The following P2RX5 variants were observed in gnomAD, a reference collection of about 807,000 sequenced individuals.
P2RX5 encodes P2X purinoceptor 5.
P2RX5 carries 46 observed loss-of-function variants against 54.1 expected under a neutral mutation model. That is an observed-to-expected ratio of 0.85 (90% confidence interval 0.67 to 1.09). The LOEUF is 1.09. P2RX5 is among the 50% of genes least tolerant of loss of function. P2RX5 has a pLI of 0.00. For synonymous variants in P2RX5, 226 were observed against 226.4 expected (o/e 1.00, Z 0.02); for missense variants, 566 against 549.8 (o/e 1.03, Z -0.29).
In P2RX5 at chr17:3,691,722, G is replaced by C. The variant is rs771198214; in HGVS notation, c.210C>G (p.Val70=). The part of the protein sequence containing the change: ...TSLQSAVITK[V]KGVAFTNTSD... ...AGGTGTTGGTGAAGGCCACGCCCTT[G>C]ACTTTGGTGATGACAGCACTCTGCA... The change falls in exon 2 of 12, where the codon GTC becomes GTG. Residue 70 remains valine, a synonymous_variant. Coordinates refer to ENST00000225328, the MANE Select transcript of P2RX5 (RefSeq NM_002561.4). The C allele has an allele frequency of 1.2e-6, 2 of 1,614,102 alleles. No homozygotes were observed. The highest frequency in any genetic ancestry group is 2.7e-5 in the African/African-American group (2 of 74,944).
the P2RX5 span, among the ~76,000 whole-genome samples, chr17:3,723,006 A>C: frequency 1.3e-5 from 2 of 152,120 alleles, no homozygotes; most frequent in African/African-American, 4.8e-5. Flanking sequence ...TGGGTTTAGG[A>C]TATATTTTGG....
the P2RX5 span, chr17:3,723,330 A>G: frequency 2.5e-6 from 4 of 1,613,974 alleles, no homozygotes; most frequent in Admixed American, 1.7e-5. Context: ...CCACGGTGAC[A>G]TTTTCTTTAT....
chr17:3,695,262 G>A, intron 1 of P2RX5, among the ~76,000 whole-genome samples: 1 of 152,218 alleles, frequency 6.6e-6, no homozygotes, highest in East Asian at 1.9e-4. Flanking sequence ...CTCCTGCCAG[G>A]TGGCATGAGG....
chr17:3,679,986 A>C (rs2050198223), intron 10 of P2RX5, among the ~76,000 whole-genome samples: 1 of 149,734 alleles, frequency 6.7e-6, no homozygotes, highest in South Asian at 2.1e-4. Flanking sequence ...TGAGTCCTCC[A>C]CCCTGCTTCC....
chr17:3,711,207 G>C, the P2RX5 span, among the ~76,000 whole-genome samples: 1 of 152,080 alleles, frequency 6.6e-6, no homozygotes, highest in South Asian at 2.1e-4. Context: ...AGGATAGTGA[G>C]TGCAGATTCG....
In P2RX5 at chr17:3,691,000, T is replaced by TG; in HGVS notation, c.315dup (p.Asn106GlnfsTer15). 1 of 1,613,108 alleles carries TG rather than the reference T, an allele frequency of 6.2e-7. No individual in the cohort carries two copies. Among genetic ancestry groups the TG allele is most frequent in the East Asian group, 2.2e-5 (1 of 44,868 alleles). On this transcript the variant is annotated frameshift_variant, in exon 3 of 12. Transcript: ENST00000225328. LOFTEE classifies it high-confidence loss of function. ...CGCTGGTTGGGGGTCACAATCAGGT[T>TG]GGTGACCACAAAAAAGACGTTCTCT...
At chr17:3,723,815 C>T in the P2RX5 span, 9 of 1,570,446 alleles carry the variant, frequency 5.7e-6, no homozygotes, top group Middle Eastern at 5.2e-4. Context: ...GTCCCGGCCC[C>T]GGCCCTGGCG....
At chr17:3,693,957 G>A (rs1204806025) in intron 1 of P2RX5, among the ~76,000 whole-genome samples, 1 of 151,950 alleles carries the variant, frequency 6.6e-6, no homozygotes, top group Non-Finnish European at 1.5e-5. Context: ...TAGAGACGGG[G>A]TTTTACCACG....
intron 11 of P2RX5, chr17:3,677,273 G>T: frequency 1.0e-6 from 1 of 985,336 alleles, no homozygotes; most frequent in Non-Finnish European, 1.2e-6. Context: ...GAGGGGTGGG[G>T]AGGGCAGGAG....
At position 3,690,129 on chromosome 17, in the gene P2RX5, G is replaced by C; in HGVS notation, c.555C>G (p.Ala185=). 4 of 1,614,148 alleles carry C rather than the reference G, an allele frequency of 2.5e-6. No individual in the cohort carries two copies. Among genetic ancestry groups the C allele is most frequent in the Non-Finnish European group, 2.5e-6 (3 of 1,179,986 alleles). The change falls in exon 6 of 12, where the codon GCC becomes GCG. Residue 185 remains alanine, a synonymous_variant. Transcript: ENST00000225328. ...SRPEEPFLKE[A]EDFTIFIKNH... Reference sequence around the variant, plus strand: ...TCTTTATGAAAATGGTGAAGTCTTCGGCCTCCTTCAGGAATGGCTCCCTGA... The same window carrying C: ...TCTTTATGAAAATGGTGAAGTCTTCCGCCTCCTTCAGGAATGGCTCCCTGA...
Position 3,689,576 on chromosome 17 carries a change from G to A in P2RX5, c.669C>T (p.Gly223=), listed in dbSNP as rs774077657. 8 of 1,614,168 alleles carry A rather than the reference G, an allele frequency of 5.0e-6. No individual in the cohort carries two copies. Among genetic ancestry groups the A allele is most frequent in the South Asian group, 4.4e-5 (4 of 91,084 alleles). Residue 223 remains glycine, a synonymous_variant, in exon 7 of 12, where the codon GGC becomes GGT. Coordinates refer to ENST00000225328, the MANE Select transcript of P2RX5 (RefSeq NM_002561.4). ...AGATGGGGCAGTAGTGGTTCTTGGG[G>A]CCAAAGTGGCATGATTTCAGGAAAG... The part of the protein sequence containing the change: ...DRSFLKSCHF[G]PKNHYCPIFR...
chr17:3,689,545 G>T lies in P2RX5; in HGVS notation c.700C>A (p.Leu234Met), dbSNP rs1286384491. The T allele has an allele frequency of 1.7e-5, 27 of 1,614,198 alleles. No individual in the cohort carries two copies. The highest frequency in any genetic ancestry group is 2.2e-5 in the Non-Finnish European group (26 of 1,180,026). ...CCGGCCCAGCGGATCACGGAGCCCA[G>T]TCGGAAGATGGGGCAGTAGTGGTTC... ...PKNHYCPIFR[L>M]GSVIRWAGSD... Residue 234 changes from leucine to methionine, a missense_variant, in exon 7 of 12, where the codon CTG (leucine) becomes ATG (methionine). Leu to Met is a conservative substitution (Grantham distance 15). Transcript: ENST00000225328.
Position 3,689,411 on chromosome 17 carries a change from C to G in P2RX5, c.753+81G>C, listed in dbSNP as rs192370794. ...GGGCCACCCTCGCCCCACGAGTCCC[C>G]GTCCACACCCTCCTCGTCACAGAGC... On this transcript the variant is annotated intron_variant, in intron 7 of 11. Transcript: ENST00000225328. The G allele has an allele frequency of 5.4e-5, 84 of 1,545,546 alleles. No homozygotes were observed. The East Asian group carries it at 1.7e-3, about 32-fold the overall frequency.
intron 10 of P2RX5, among the ~76,000 whole-genome samples, chr17:3,680,245 G>T (rs111163804): frequency 1.9e-5 from 2 of 107,794 alleles, no homozygotes; most frequent in South Asian, 3.4e-4. Flanking sequence ...TCCACCCAGC[G>T]TCCTCCACCC....
the P2RX5 span, among the ~76,000 whole-genome samples, chr17:3,713,929 C>T: frequency 8.1e-6 from 1 of 124,178 alleles, no homozygotes; most frequent in African/African-American, 3.4e-5. Flanking sequence ...TGAAAGGATA[C>T]AATCGATAAT....
rs943248829 is a variant in P2RX5 at position 3,696,073 on chromosome 17, C to T, written c.-68G>A. 4 of 1,536,366 alleles carry T rather than the reference C, an allele frequency of 2.6e-6. No individual in the cohort carries two copies. The highest frequency in any genetic ancestry group is 2.0e-5 in the Admixed American group (1 of 49,502). ...CGCTCATGGGGAGCACTCGGTCCCT[C>T]GGTCCCTGCGCGCCCGGCGCCCGCC... is the stretch of plus-strand genomic sequence containing the variant. On this transcript the variant is annotated 5_prime_UTR_variant, in exon 1 of 12. Transcript: ENST00000225328.
intron 3 of P2RX5, 122 bp downstream of exon 3, chr17:3,690,834 G>A (rs1404526270): frequency 1.8e-6 from 2 of 1,133,672 alleles, no homozygotes; most frequent in Middle Eastern, 2.3e-4. Flanking sequence ...ACCACACCCG[G>A]GTGCACACAG....
rs3215407 is a variant in P2RX5 at position 3,690,982 on chromosome 17, TG to T, written c.333del (p.Asn112ThrfsTer36). The stretch of plus-strand genomic sequence containing the variant: ...TCAGCACAGACGTTCTGCCGCTGGT[TG>T]GGGGTCACAATCAGGTTGGTGACCA... Reference protein sequence around the residue: ...FFVVTNLIVTPNQRQNVCAEN... With the variant: ...FFVVTNLIVTXNQRQNVCAEN... On this transcript the variant is annotated frameshift_variant, in exon 3 of 12. Transcript: ENST00000225328. LOFTEE classifies it high-confidence loss of function. 0.67 allele frequency: 1,083,978 copies of T among 1,611,866 alleles called. 374,092 individuals are homozygous for T. Among genetic ancestry groups the T allele is most frequent in the East Asian group, 0.81 (36,378 of 44,820 alleles).
At chr17:3,712,444 G>A in the P2RX5 span, among the ~76,000 whole-genome samples, 1 of 152,176 alleles carries the variant, frequency 6.6e-6, no homozygotes, top group South Asian at 2.1e-4. Flanking sequence ...TGGGATAACA[G>A]GCAGGTGTGA....
Sources: allele counts gnomAD v4.1 joint callset (sites outside exome capture counted in the v4.1 genomes callset), GRCh38; gene constraint gnomAD v4.1.1; transcripts MANE v1.5; gene names NCBI Gene and HGNC (gene_info 2026-07-23, HGNC 2026-07-21).